Variants in STK35 observed in about 807,000 individuals in gnomAD.
STK35 encodes the protein serine/threonine-protein kinase 35.
Under a neutral mutation model 37.3 loss-of-function variants are expected in STK35, and 17 were observed. That is an observed-to-expected ratio of 0.46 (90% CI 0.31 to 0.68). The LOEUF (loss-of-function observed/expected upper bound fraction) is 0.68. STK35 is among the 30% of genes least tolerant of loss of function. The pLI is 0.05. For synonymous variants in STK35, 385 were observed against 319.1 expected, an observed-to-expected ratio of 1.21 and a Z score of -2.20; for missense variants, 595 against 746.7, an observed-to-expected ratio of 0.80 and a Z score of 2.37.
At chr20:2,123,229 T>G (rs1442484513) in intron 3 of STK35, among the ~76,000 whole-genome samples, 1 of 152,184 alleles carries the variant, frequency 6.6e-6, no homozygotes, top group Non-Finnish European at 1.5e-5. Flanking sequence ...AAATCAGATG[T>G]TGGTGTGACC....
intron 3 of STK35, among the ~76,000 whole-genome samples, chr20:2,130,294 C>T (rs1463238583): frequency 1.3e-5 from 2 of 152,114 alleles, no homozygotes; most frequent in African/African-American, 4.8e-5. Flanking sequence ...ACAAAGAGCA[C>T]CTTCACAGGC....
intron 2 of STK35, among the ~76,000 whole-genome samples, chr20:2,114,542 T>G (rs1985679099): frequency 6.6e-6 from 1 of 152,216 alleles, no homozygotes; most frequent in South Asian, 2.1e-4. Flanking sequence ...CTGAGAATAC[T>G]TCTTCCTGTC....
intron 3 of STK35, among the ~76,000 whole-genome samples, chr20:2,118,807 A>G (rs1985766326): frequency 6.6e-6 from 1 of 152,250 alleles, no homozygotes; most frequent in Non-Finnish European, 1.5e-5. Context: ...AAAACTTACC[A>G]TTGTGTTACA....
intron 3 of STK35, among the ~76,000 whole-genome samples, chr20:2,139,651 AG>A (rs1209867246): frequency 1.3e-5 from 2 of 152,116 alleles, no homozygotes; most frequent in South Asian, 2.1e-4. Flanking sequence ...CCTACCTCTT[AG>A]GGTTGCTGGG....
At chr20:2,115,755 C>CT (rs1244562410) in intron 2 of STK35, among the ~76,000 whole-genome samples, 28 of 152,302 alleles carry the variant, frequency 1.8e-4, no homozygotes, top group Admixed American at 3.3e-4. Context: ...CCTTTCTGGT[C>CT]TTTTTGTCCC....
At position 2,102,775 on chromosome 20, in the gene STK35, T is replaced by A; in HGVS notation, c.302T>A (p.Ile101Asn). 6.9e-7 allele frequency: 1 copy of A among 1,452,826 alleles called. No individual in the cohort carries two copies. The highest frequency in any genetic ancestry group is 1.3e-5 in the South Asian group (1 of 76,510). The allele number at this position is 1,452,826 out of a possible 1,614,324, so 90.0% of individuals were successfully genotyped here. A position where few individuals can be genotyped will look rare whatever the true frequency, so the allele number is the denominator to read the frequency against. Reference protein sequence around the residue: ...RKWRCAGQVTIQGPAPPRPRA... With the variant: ...RKWRCAGQVTNQGPAPPRPRA... ...CGATTCTTTCGCCCGCAGGTCACAATCCAAGGTCCGGCTCCTCCGCGTCCC... is the reference window on the plus strand; with the variant it reads ...CGATTCTTTCGCCCGCAGGTCACAAACCAAGGTCCGGCTCCTCCGCGTCCC... The change falls in exon 2 of 4, where the codon ATC becomes AAC. Residue 101 changes from isoleucine to asparagine, a missense_variant. Physicochemically the swap from Ile to Asn is moderately radical, Grantham distance 149 (BLOSUM62 -3). Around this residue, in one of 3 missense-constraint regions of STK35, gnomAD observed 389 missense variants for 320.0 expected, o/e 1.22. Coordinates refer to ENST00000381482, the MANE Select transcript of STK35 (RefSeq NM_080836.4).
Position 2,102,910 on chromosome 20 carries a change from A to G in STK35, c.437A>G (p.Gln146Arg). 6.4e-7 allele frequency: 1 copy of G among 1,560,686 alleles called. No individual in the cohort carries two copies. Among genetic ancestry groups the G allele is most frequent in the Non-Finnish European group, 8.6e-7 (1 of 1,161,972 alleles). ...AAGGACGGCGCCCGCAGAGGTACAC[A>G]AAGCCCGGAGCGGAAAAGGCGAAGC... ...TGKDGARRGT[Q>R]SPERKRRSPV... Residue 146 changes from glutamine (Q) to arginine (R), a missense_variant, in exon 2 of 4, where the codon CAA becomes CGA. This residue lies in a region of STK35 where 389 missense variants were observed against 320.0 expected (regional missense o/e 1.22). Coordinates refer to ENST00000381482, the MANE Select transcript of STK35 (RefSeq NM_080836.4).
At position 2,117,467 on chromosome 20, in the gene STK35, A is replaced by G; in HGVS notation, c.*37+52A>G. The G allele has an allele frequency of 9.2e-7, 1 of 1,088,276 alleles. No individual in the cohort carries two copies. The highest frequency in any genetic ancestry group is 1.3e-6 in the Non-Finnish European group (1 of 767,470). The allele number at this position is 1,088,276 out of a possible 1,614,324, so 67.4% of individuals were successfully genotyped here. ...GTTTTTTGTTTTGAGACAGGGTCTCACTCTGTTGGTCAGGCTGGGGTGCAG... is the reference window on the plus strand; with the variant it reads ...GTTTTTTGTTTTGAGACAGGGTCTCGCTCTGTTGGTCAGGCTGGGGTGCAG... On this transcript the variant is annotated intron_variant, in intron 3 of 3. Coordinates refer to ENST00000381482, the MANE Select transcript of STK35 (RefSeq NM_080836.4). This position sits in a 1 kb window ranked among gnomAD's most constrained non-coding sequence, Gnocchi z 4.4.
At chr20:2,126,070 G>A (rs1026774234) in intron 3 of STK35, among the ~76,000 whole-genome samples, 14 of 152,198 alleles carry the variant, frequency 9.2e-5, no homozygotes, top group Non-Finnish European at 1.0e-4. Context: ...GAATGGCAGC[G>A]GTTGCTCTGT....
chr20:2,111,135 C>T (rs1239897781), intron 2 of STK35, among the ~76,000 whole-genome samples: 3 of 152,194 alleles, frequency 2.0e-5, no homozygotes, highest in Non-Finnish European at 4.4e-5. Flanking sequence ...CACCTCCTCC[C>T]TTGCCAGCCC....
intron 3 of STK35, among the ~76,000 whole-genome samples, chr20:2,126,243 G>A (rs912108494): frequency 1.2e-4 from 19 of 152,192 alleles, no homozygotes; most frequent in Non-Finnish European, 5.9e-5. Context: ...GCCCAGTGGA[G>A]GCATTGATTG....
At chr20:2,139,791 C>G (rs1353580386) in intron 3 of STK35, among the ~76,000 whole-genome samples, 2 of 152,178 alleles carry the variant, frequency 1.3e-5, no homozygotes, top group Non-Finnish European at 2.9e-5. Context: ...TAAGTGATTG[C>G]TGTTACGCCA....
rs41279012 is a variant in STK35, at chr20:2,117,538, G to A, written c.*37+123G>A. ...CAGCTCACTGCAACCTCCACCTCCC[G>A]AGTTCAAGTGATTCTCGTGCCTCAG... On this transcript the variant is annotated intron_variant, in intron 3 of 3. Transcript: ENST00000381482. The surrounding 1 kb of genome is among the most constrained non-coding windows in gnomAD (Gnocchi z 4.4). 0.067 allele frequency: 37,485 copies of A among 556,038 alleles called. 1,594 individuals are homozygous for A. The highest frequency in any genetic ancestry group is 0.088 in the Non-Finnish European group (28,306 of 322,318). The allele number at this position is 556,038 out of a possible 1,614,324, so 34.4% of individuals were successfully genotyped here.
At chr20:2,106,994 A>G (rs972768327) in intron 2 of STK35, among the ~76,000 whole-genome samples, 1 of 152,172 alleles carries the variant, frequency 6.6e-6, no homozygotes, top group Admixed American at 6.5e-5. Flanking sequence ...CACATTTACA[A>G]TCCTGTAAAT....
chr20:2,129,800 C>T (rs559636374), intron 3 of STK35, among the ~76,000 whole-genome samples: 117 of 152,028 alleles, frequency 7.7e-4, no homozygotes, highest in African/African-American at 2.5e-3. Context: ...AAGGATGAGG[C>T]CTCTGCCAAG....
chr20:2,134,909 A>T (rs746095982), intron 3 of STK35, among the ~76,000 whole-genome samples: 11 of 152,150 alleles, frequency 7.2e-5, no homozygotes, highest in Non-Finnish European at 1.5e-4. Flanking sequence ...AAAGAAAAAA[A>T]AATGCCTGGG....
At chr20:2,111,098 C>T (rs1292771920) in intron 2 of STK35, among the ~76,000 whole-genome samples, 1 of 152,206 alleles carries the variant, frequency 6.6e-6, no homozygotes. Flanking sequence ...TTATCCTAAA[C>T]TTCTAAGACC....
At chr20:2,130,334 G>A (rs1311046270) in intron 3 of STK35, among the ~76,000 whole-genome samples, 3 of 152,272 alleles carry the variant, frequency 2.0e-5, no homozygotes, top group South Asian at 2.1e-4. Flanking sequence ...TCGGGGCTGC[G>A]TTCATGGCTG....
chr20:2,107,067 G>A (rs771217183), intron 2 of STK35, among the ~76,000 whole-genome samples: 1 of 152,208 alleles, frequency 6.6e-6, no homozygotes, highest in African/African-American at 2.4e-5. Context: ...ATAAAGGTTG[G>A]GGGGGTGAAG....
Sources: gnomAD v4.1 joint callset for allele counts (sites outside exome capture counted in the v4.1 genomes callset) on GRCh38, gnomAD v4.1.1 for gene constraint, gnomAD v4.1.1 regional missense constraint, Gnocchi (gnomAD v3.1) non-coding constraint, MANE v1.5 for transcripts, NCBI Gene and HGNC (gene_info 2026-07-23, HGNC 2026-07-21) for gene names.